BBOX1: variants seen among roughly 807,000 people sequenced by gnomAD.
The protein encoded by BBOX1 is gamma-butyrobetaine dioxygenase.
In BBOX1, 35 loss-of-function variants were observed where a neutral mutation model predicts 41.6. The ratio of observed to expected loss-of-function variants is 0.84; its 90% CI spans 0.64 to 1.11. BBOX1 has a LOEUF of 1.11. Ranked by LOEUF, BBOX1 falls within the 50% of genes most tolerant of loss-of-function variation. The probability of loss-of-function intolerance (pLI) is 0.00; values close to 1 mark genes in which losing one functional copy is unlikely to be tolerated. For synonymous variants in BBOX1, 163 were observed against 154.7 expected (o/e 1.05, Z -0.40); for missense variants, 458 against 460.6 (o/e 0.99, Z 0.05).
intron 5 of BBOX1, among the ~76,000 whole-genome samples, chr11:27,111,332 T>C (rs924524512): frequency 2.6e-5 from 4 of 151,726 alleles, no homozygotes; most frequent in Non-Finnish European, 5.9e-5. Context: ...AAATAGACAC[T>C]AGGAACTACT....
chr11:27,068,722 T>C (rs935903520), intron 4 of BBOX1, among the ~76,000 whole-genome samples: 17 of 152,278 alleles, frequency 1.1e-4, no homozygotes, highest in Middle Eastern at 3.4e-3. Context: ...AATTTAAGTC[T>C]TTAATCCATC....
At chr11:27,047,761 A>AT in intron 2 of BBOX1, among the ~76,000 whole-genome samples, 3 of 152,012 alleles carry the variant, frequency 2.0e-5, no homozygotes, top group South Asian at 4.1e-4. Context: ...ATTACAGTAG[A>AT]TTTTTTCTTT....
chr11:27,098,821 AAT>A, intron 5 of BBOX1, among the ~76,000 whole-genome samples: 1 of 151,964 alleles, frequency 6.6e-6, no homozygotes, highest in East Asian at 1.9e-4. Flanking sequence ...CATTTTAAAA[AAT>A]ATTTGTCAAC....
chr11:27,115,680 C>A, intron 6 of BBOX1, 123 bp downstream of exon 6: 1 of 755,888 alleles, frequency 1.3e-6, no homozygotes, highest in Non-Finnish European at 2.0e-6. Context: ...TTTCTCCAAA[C>A]ACAATCCAAG....
chr11:27,115,481 A>T lies in BBOX1; in HGVS notation c.563A>T (p.Asp188Val). Reference sequence around the variant, plus strand: ...ACTTGGCAAGTGCAAGACAAAATCGATGCAAACAATGTGGCTTACACAACT... The same window carrying T: ...ACTTGGCAAGTGCAAGACAAAATCGTTGCAAACAATGTGGCTTACACAACT... Reference protein sequence around the residue: ...GHTWQVQDKIDANNVAYTTGK... With the variant: ...GHTWQVQDKIVANNVAYTTGK... Residue 188 changes from aspartate to valine, a missense_variant, in exon 6 of 9, where the codon GAT (aspartate) becomes GTT (valine). Physicochemically the swap from Asp to Val is radical, Grantham distance 152. Coordinates refer to ENST00000263182, the MANE Select transcript of BBOX1 (RefSeq NM_003986.3). 6.2e-7 allele frequency: 1 copy of T among 1,610,808 alleles called. No individual in the cohort carries two copies. The highest frequency in any genetic ancestry group is 2.2e-5 in the East Asian group (1 of 44,750).
At chr11:27,042,563 G>T (rs1299660733) in intron 2 of BBOX1, among the ~76,000 whole-genome samples, 1 of 152,032 alleles carries the variant, frequency 6.6e-6, no homozygotes, top group African/African-American at 2.4e-5. Flanking sequence ...TGTCCAGGCT[G>T]GTCTCAAATT....
chr11:27,107,707 C>A (rs1858920829), intron 5 of BBOX1, among the ~76,000 whole-genome samples: 1 of 152,000 alleles, frequency 6.6e-6, no homozygotes, highest in Non-Finnish European at 1.5e-5. Flanking sequence ...TCCTTCATGA[C>A]CAATGAATCA....
chr11:27,090,898 C>A (rs1440638566), intron 4 of BBOX1, among the ~76,000 whole-genome samples: 1 of 151,910 alleles, frequency 6.6e-6, no homozygotes, highest in Non-Finnish European at 1.5e-5. Context: ...CTTGCACGTC[C>A]ATTTATAGGC....
At chr11:27,057,756 C>T (rs755902664) in intron 4 of BBOX1, among the ~76,000 whole-genome samples, 13 of 152,016 alleles carry the variant, frequency 8.6e-5, no homozygotes, top group Middle Eastern at 3.4e-3. Context: ...ACCCATGAAA[C>T]GGTACGCATA....
At chr11:27,125,297 A>G (rs1464433554) in intron 7 of BBOX1, among the ~76,000 whole-genome samples, 1 of 152,194 alleles carries the variant, frequency 6.6e-6, no homozygotes, top group African/African-American at 2.4e-5. Flanking sequence ...CACATAGAAC[A>G]ATTGACCTAT....
intron 4 of BBOX1, among the ~76,000 whole-genome samples, chr11:27,075,490 A>G (rs1031485542): frequency 1.2e-4 from 19 of 152,108 alleles, no homozygotes; most frequent in African/African-American, 4.6e-4. Flanking sequence ...AGAGGTCCCA[A>G]TCTTGACAGA....
At chr11:27,104,987 G>C (rs565730972) in intron 5 of BBOX1, among the ~76,000 whole-genome samples, 43 of 152,296 alleles carry the variant, frequency 2.8e-4, no homozygotes, top group African/African-American at 1.0e-3. Flanking sequence ...ACAGGGTCTG[G>C]AGTGGACCTC....
chr11:27,106,201 A>G (rs1014876804), intron 5 of BBOX1, among the ~76,000 whole-genome samples: 2 of 152,076 alleles, frequency 1.3e-5, no homozygotes, highest in Admixed American at 1.3e-4. Context: ...CAAAATAACC[A>G]GCTAACATCA....
At chr11:27,078,394 C>A (rs897825496) in intron 4 of BBOX1, among the ~76,000 whole-genome samples, 1 of 151,966 alleles carries the variant, frequency 6.6e-6, no homozygotes, top group African/African-American at 2.4e-5. Context: ...ACAATGTATA[C>A]ATGTACCATA....
At chr11:27,099,443 G>T (rs576729935) in intron 5 of BBOX1, among the ~76,000 whole-genome samples, 1 of 152,122 alleles carries the variant, frequency 6.6e-6, no homozygotes, top group Non-Finnish European at 1.5e-5. Flanking sequence ...TAAAATAAAT[G>T]TGGATCTTGG....
rs1564948369 is a variant in BBOX1, at chr11:27,043,459, C to CAGAATGTGCAGGTATGGGGTACAT, written c.-39+1981_-39+1982insAGAATGTGCAGGTATGGGGTACAT. 2.0e-5 allele frequency among the ~76,000 whole-genome samples: 3 copies of CAGAATGTGCAGGTATGGGGTACAT among 151,306 alleles called. 1 individual carries two copies. The highest frequency in any genetic ancestry group is 1.3e-4 in the Admixed American group (2 of 15,174). ...GCAGAATGTGCAGGTTTGGGGTACA[C>CAGAATGTGCAGGTATGGGGTACAT]GTGCAGAATGTGCAGGTATACACAT... is the stretch of plus-strand genomic sequence containing the variant. On this transcript the variant is annotated intron_variant, in intron 2 of 8. Coordinates refer to ENST00000263182, the MANE Select transcript of BBOX1 (RefSeq NM_003986.3).
chr11:27,088,182 A>G (rs1858112465), intron 4 of BBOX1, among the ~76,000 whole-genome samples: 2 of 152,196 alleles, frequency 1.3e-5, no homozygotes, highest in African/African-American at 4.8e-5. Flanking sequence ...TGCCCTAATC[A>G]GATGCTTCAC....
chr11:27,096,832 C>G (rs945974374), intron 5 of BBOX1, among the ~76,000 whole-genome samples: 2 of 151,918 alleles, frequency 1.3e-5, no homozygotes, highest in African/African-American at 2.4e-5. Context: ...CAGATAAATA[C>G]AATAATTATT....
At chr11:27,124,561 A>G (rs376811139) in intron 7 of BBOX1, among the ~76,000 whole-genome samples, 1 of 152,156 alleles carries the variant, frequency 6.6e-6, no homozygotes, top group Non-Finnish European at 1.5e-5. Context: ...TCTGTTTTCC[A>G]TGCTGGAGTG....
Sources: gnomAD v4.1 joint callset for allele counts (sites outside exome capture counted in the v4.1 genomes callset) on GRCh38, gnomAD v4.1.1 for gene constraint, MANE v1.5 for transcripts, NCBI Gene and HGNC (gene_info 2026-07-23, HGNC 2026-07-21) for gene names.